RTTN: variants seen among roughly 807,000 people sequenced by gnomAD.
RTTN encodes rotatin.
A neutral mutation model predicts 269.2 loss-of-function variants in RTTN; 182 were observed. The observed-to-expected ratio is 0.68, with a 90% CI of 0.60 to 0.76. RTTN has a LOEUF of 0.76. RTTN is among the 30% of genes least tolerant of loss of function. RTTN has a pLI of 0.00. For synonymous variants in RTTN, 1,006 were observed against 963.5 expected (o/e 1.04, Z -0.82); for missense variants, 2,545 against 2,608.6 (o/e 0.98, Z 0.53).
rs114459491 is a variant in RTTN at position 70,109,639 on chromosome 18, C to A, written c.3762G>T (p.Ala1254=). ...GGGACGGCAGGCCATAGAAATGAGGCGCATCCGTCACTTTCAGACACTGGA... is the reference window on the plus strand; with the variant it reads ...GGGACGGCAGGCCATAGAAATGAGGAGCATCCGTCACTTTCAGACACTGGA... ...KLLQCLKVTD[A]PHFYGLPSLE... Residue 1254 remains alanine, a synonymous_variant, in exon 28 of 49, where the codon GCG becomes GCT. Coordinates refer to ENST00000640769, the MANE Select transcript of RTTN (RefSeq NM_173630.4). The A allele has an allele frequency of 1.2e-6, 2 of 1,613,858 alleles. No individual in the cohort carries two copies. Among genetic ancestry groups the A allele is most frequent in the Admixed American group, 1.7e-5 (1 of 59,994 alleles).
chr18:70,189,927 T>C (rs1273017207), intron 9 of RTTN, among the ~76,000 whole-genome samples: 2 of 152,194 alleles, frequency 1.3e-5, no homozygotes, highest in African/African-American at 4.8e-5. Context: ...CTCTTCAAAT[T>C]TTCCTAGTAC....
intron 43 of RTTN, among the ~76,000 whole-genome samples, chr18:70,025,082 G>A (rs2056816660): frequency 1.3e-5 from 2 of 152,148 alleles, no homozygotes; most frequent in African/African-American, 4.8e-5. Context: ...CACTAAGTTA[G>A]GAAGCATAGA....
chr18:70,075,088 T>C (rs975357380), intron 33 of RTTN: 13 of 266,684 alleles, frequency 4.9e-5, no homozygotes, highest in African/African-American at 2.7e-4. Context: ...ATTTATAACA[T>C]AGAAAAATGC....
At chr18:70,120,075 A>C (rs1459002120) in intron 26 of RTTN, among the ~76,000 whole-genome samples, 4 of 152,202 alleles carry the variant, frequency 2.6e-5, no homozygotes, top group African/African-American at 7.2e-5. Context: ...CCCTACCCTC[A>C]TGAATAGACT....
chr18:70,018,105 T>C (rs1326441385), intron 45 of RTTN, among the ~76,000 whole-genome samples: 2 of 152,200 alleles, frequency 1.3e-5, no homozygotes. Context: ...TGAGGGTATT[T>C]TGAATCATTA....
At chr18:70,029,895 C>A in intron 42 of RTTN, 117 bp downstream of exon 42, 2 of 676,862 alleles carry the variant, frequency 3.0e-6, no homozygotes, top group East Asian at 2.6e-5. Flanking sequence ...ATTAATTTAT[C>A]CATCTGTACC....
intron 14 of RTTN, among the ~76,000 whole-genome samples, chr18:70,151,742 G>A (rs1402320983): frequency 6.6e-6 from 1 of 152,058 alleles, no homozygotes; most frequent in East Asian, 1.9e-4. Context: ...ATCCCCTTCT[G>A]AAACCAAGAT....
rs995199436 is a variant in RTTN, at chr18:70,012,484, A to G, written c.6421+4923T>C. On this transcript the variant is annotated intron_variant, in intron 46 of 48. Coordinates refer to ENST00000640769, the MANE Select transcript of RTTN (RefSeq NM_173630.4). The stretch of plus-strand genomic sequence containing the variant: ...GCATCTGCTCACTGGTATTGGTTAC[A>G]GGGCAGTGTCTGCTCACTGGTATTG... 1.1e-4 allele frequency among the ~76,000 whole-genome samples: 16 copies of G among 149,528 alleles called. 1 individual carries two copies. The highest frequency in any genetic ancestry group is 3.9e-4 in the African/African-American group (16 of 40,628).
Position 70,127,669 on chromosome 18 carries a change from C to T in RTTN, c.3216G>A (p.Leu1072=), listed in dbSNP as rs369222015. 1 of 1,613,340 alleles carries T rather than the reference C, an allele frequency of 6.2e-7. No individual in the cohort carries two copies. Among genetic ancestry groups the T allele is most frequent in the African/African-American group, 1.3e-5 (1 of 74,854 alleles). ...TLKITHMASG[L]QDCLHSIVQA... ...GAACAATGGAATGGAGGCAGTCCTG[C>T]AGCCCACTAGCCATGTGTGTTATCT... The change falls in exon 25 of 49, where the codon CTG becomes CTA. Residue 1072 remains leucine (L), a synonymous_variant. Transcript: ENST00000640769.
chr18:70,176,632 T>C, intron 11 of RTTN, 43 bp downstream of exon 11: 1 of 1,539,018 alleles, frequency 6.5e-7, no homozygotes, highest in Non-Finnish European at 8.8e-7. Flanking sequence ...CATTTATTTA[T>C]AATAGTCTGT....
intron 8 of RTTN, among the ~76,000 whole-genome samples, chr18:70,192,321 G>C (rs1483576062): frequency 1.3e-5 from 2 of 152,102 alleles, no homozygotes; most frequent in African/African-American, 4.8e-5. Flanking sequence ...TGCACCCAAG[G>C]ATAAGGTAAC....
At chr18:70,013,427 G>C (rs982360775) in intron 46 of RTTN, among the ~76,000 whole-genome samples, 20 of 152,022 alleles carry the variant, frequency 1.3e-4, no homozygotes, top group African/African-American at 4.6e-4. Context: ...GTGTGTGTGT[G>C]TGTGTGTGAA....
At chr18:70,188,685 T>G (rs2061602254) in intron 9 of RTTN, among the ~76,000 whole-genome samples, 1 of 152,140 alleles carries the variant, frequency 6.6e-6, no homozygotes, top group Non-Finnish European at 1.5e-5. Flanking sequence ...CTGGAGCAAC[T>G]AAAGGAATAA....
chr18:70,109,669 T>C lies in RTTN; in HGVS notation c.3732A>G (p.Lys1244=). ...LYVFQTQLAL[K]LLQCLKVTDA... is the part of the protein sequence containing the mutation. Reference sequence around the variant, plus strand: ...CCGTCACTTTCAGACACTGGAGCAGTTTCAGAGCCAGCTGCGTTTGAAAAA... The same window carrying C: ...CCGTCACTTTCAGACACTGGAGCAGCTTCAGAGCCAGCTGCGTTTGAAAAA... The change falls in exon 28 of 49, where the codon AAA becomes AAG. Residue 1244 remains lysine, a synonymous_variant. Coordinates refer to ENST00000640769, the MANE Select transcript of RTTN (RefSeq NM_173630.4). 1 of 1,613,984 alleles carries C rather than the reference T, an allele frequency of 6.2e-7. No individual in the cohort carries two copies.
intron 7 of RTTN, among the ~76,000 whole-genome samples, chr18:70,196,296 G>GA (rs34150741): frequency 1.2e-3 from 177 of 142,220 alleles, no homozygotes; most frequent in African/African-American, 4.4e-3. Flanking sequence ...CTCTTATCCA[G>GA]AAAAAAAAAA....
In RTTN at chr18:70,102,204, G is replaced by A. The variant is rs1702347027; in HGVS notation, c.3903+7294C>T. On this transcript the variant is annotated intron_variant, in intron 28 of 48. Coordinates refer to ENST00000640769, the MANE Select transcript of RTTN (RefSeq NM_173630.4). Reference sequence around the variant, plus strand: ...TTAAAGTCTCCCATTATTATTGTGTGGAGTCCAAGTCTCTTTGTAGGTCTC... The same window carrying A: ...TTAAAGTCTCCCATTATTATTGTGTAGAGTCCAAGTCTCTTTGTAGGTCTC... Among the ~76,000 whole-genome samples, 3 of 152,062 alleles carry A rather than the reference G, an allele frequency of 2.0e-5. No individual in the cohort carries two copies. In the South Asian group the frequency reaches 6.2e-4, roughly 32 times the overall value.
At chr18:70,156,337 T>C (rs903283324) in intron 14 of RTTN, among the ~76,000 whole-genome samples, 2 of 152,164 alleles carry the variant, frequency 1.3e-5, no homozygotes, top group Non-Finnish European at 2.9e-5. Context: ...CAGTCTCCCA[T>C]AGCGCTCCCA....
intron 25 of RTTN, among the ~76,000 whole-genome samples, chr18:70,125,130 T>C (rs112886864): frequency 1.3e-5 from 2 of 152,168 alleles, no homozygotes; most frequent in African/African-American, 4.8e-5. Context: ...TCTTGGAAAG[T>C]TATGTTTAGA....
In RTTN at chr18:70,135,289, AAAG is replaced by A. The variant is rs1382684307; in HGVS notation, c.2789-12_2789-10del. On this transcript the variant is annotated splice_polypyrimidine_tract_variant and intron_variant, in intron 21 of 48. Transcript: ENST00000640769. ...ATGAAATATTAAGGAAACTGAATAA[AAAG>A]AAGCACAACTTTATGAAATATTTGT... 5.7e-6 allele frequency: 8 copies of A among 1,415,002 alleles called. No homozygotes were observed. Among genetic ancestry groups the A allele is most frequent in the Non-Finnish European group, 7.7e-6 (8 of 1,033,982 alleles). The allele number at this position is 1,415,002 out of a possible 1,614,324, so 87.7% of individuals were successfully genotyped here. A position where few individuals can be genotyped will look rare whatever the true frequency, so the allele number is the denominator to read the frequency against.
Sources: gnomAD v4.1 joint callset for allele counts (sites outside exome capture counted in the v4.1 genomes callset) on GRCh38, gnomAD v4.1.1 for gene constraint, MANE v1.5 for transcripts, NCBI Gene and HGNC (gene_info 2026-07-23, HGNC 2026-07-21) for gene names.